CREB5: variants seen among roughly 807,000 people sequenced by gnomAD.
The protein encoded by CREB5 is cyclic AMP-responsive element-binding protein 5.
A neutral mutation model predicts 57.1 loss-of-function variants in CREB5; 19 were observed. The observed-to-expected ratio is 0.33, with a 90% confidence interval of 0.23 to 0.49. The LOEUF (loss-of-function observed/expected upper bound fraction) is 0.49, where lower values mean the gene tolerates loss of function less well. Among genes scored for constraint, CREB5 ranks in the 20% least tolerant of loss-of-function variants. CREB5 has a pLI of 0.99. For missense variants in CREB5, 579 were observed against 671.6 expected (o/e 0.86, Z 1.52); for synonymous variants, 238 against 238.3 (o/e 1.00, Z 0.01).
chr7:28,380,526 T>C (rs919126421), intron 1 of CREB5, among the ~76,000 whole-genome samples: 2 of 152,362 alleles, frequency 1.3e-5, no homozygotes, highest in Admixed American at 1.3e-4. Context: ...TACAGCCATT[T>C]GAGGCACTTT....
chr7:28,339,368 G>A (rs990773364), intron 1 of CREB5, among the ~76,000 whole-genome samples: 2 of 152,164 alleles, frequency 1.3e-5, no homozygotes, highest in Non-Finnish European at 2.9e-5. Context: ...GTAACACTAC[G>A]ATTCTTGCAG....
intron 1 of CREB5, among the ~76,000 whole-genome samples, chr7:28,473,592 T>TCTGAGTCTTC (rs1790922962): frequency 6.6e-6 from 1 of 152,198 alleles, no homozygotes; most frequent in African/African-American, 2.4e-5. Context: ...CGGGAGACTT[T>TCTGAGTCTTC]TGCTGGAAGA....
chr7:28,589,929 A>G (rs1393331328), intron 5 of CREB5, among the ~76,000 whole-genome samples: 3 of 152,152 alleles, frequency 2.0e-5, no homozygotes, highest in Non-Finnish European at 2.9e-5. Context: ...CCTTTGTCTT[A>G]AGTCTTTTGT....
chr7:28,300,391 T>C (rs1785080045), intron 1 of CREB5, among the ~76,000 whole-genome samples: 1 of 152,246 alleles, frequency 6.6e-6, no homozygotes, highest in Non-Finnish European at 1.5e-5. Flanking sequence ...CAGGCAATTT[T>C]GTCCTTTTCT....
At chr7:28,507,774 T>C (rs1427684509) in intron 4 of CREB5, 37 bp downstream of exon 4, 15 of 1,562,656 alleles carry the variant, frequency 9.6e-6, no homozygotes, top group Non-Finnish European at 1.1e-5. Context: ...AGAGGTGTCC[T>C]GCTAGAAACT....
At chr7:28,719,659 A>G (rs1802905458) in intron 6 of CREB5, among the ~76,000 whole-genome samples, 1 of 152,214 alleles carries the variant, frequency 6.6e-6, no homozygotes, top group African/African-American at 2.4e-5. Flanking sequence ...CAGGCTGAGT[A>G]ACTTGGCTAG....
Position 28,790,661 on chromosome 7 carries a change from CA to C in CREB5, c.703-13537del, listed in dbSNP as rs558257322. On this transcript the variant is annotated intron_variant, in intron 7 of 10. Transcript: ENST00000357727. ...AAGTGGTGAGCTCACTTATCGTGGACATGCTGAAGGAAACGTTTCAATCGAA... is the reference window on the plus strand; with the variant it reads ...AAGTGGTGAGCTCACTTATCGTGGACTGCTGAAGGAAACGTTTCAATCGAA... Among the ~76,000 whole-genome samples the C allele has an allele frequency of 1.6e-4, 24 of 152,342 alleles. 1 individual carries two copies. The highest frequency in any genetic ancestry group is 5.3e-4 in the African/African-American group (22 of 41,570).
intron 1 of CREB5, among the ~76,000 whole-genome samples, chr7:28,397,071 T>G (rs1787352247): frequency 6.6e-6 from 1 of 152,166 alleles, no homozygotes; most frequent in Admixed American, 6.5e-5. Flanking sequence ...GGTTAAATGA[T>G]ATGTGGAAAC....
intron 1 of CREB5, among the ~76,000 whole-genome samples, chr7:28,464,493 T>TTGTGTGTGTG (rs1320551403): frequency 9.3e-6 from 1 of 107,724 alleles, no homozygotes; most frequent in South Asian, 3.7e-4. Flanking sequence ...TTGTGGAAAG[T>TTGTGTGTGTG]TGCGTGTGTG....
chr7:28,691,529 T>C (rs1801259118), intron 5 of CREB5, among the ~76,000 whole-genome samples: 1 of 151,998 alleles, frequency 6.6e-6, no homozygotes, highest in Admixed American at 6.6e-5. Context: ...CTCTCACATA[T>C]ATTTTCTAGT....
At chr7:28,672,554 C>T (rs1438976026) in intron 5 of CREB5, among the ~76,000 whole-genome samples, 1 of 152,178 alleles carries the variant, frequency 6.6e-6, no homozygotes, top group Non-Finnish European at 1.5e-5. Flanking sequence ...TTGACAGAGA[C>T]TGGCTGTCTT....
chr7:28,491,334 G>GGTGCCAA (rs372780591), intron 2 of CREB5: 287 of 778,534 alleles, frequency 3.7e-4, no homozygotes, highest in Middle Eastern at 2.7e-3. Context: ...GAGGAGTGGG[G>GGTGCCAA]GTGCCAATTC....
In CREB5 at chr7:28,823,547, TGTGA is replaced by T. The variant is rs1809901916; in HGVS notation, c.*4271_*4274del. 1 of 152,628 alleles carries T rather than the reference TGTGA, an allele frequency of 6.6e-6. No individual in the cohort carries two copies. Among genetic ancestry groups the T allele is most frequent in the African/African-American group, 2.4e-5 (1 of 41,450 alleles). The allele number at this position is 152,628 out of a possible 1,614,324, so 9.5% of individuals were successfully genotyped here. A position where few individuals can be genotyped will look rare whatever the true frequency, so the allele number is the denominator to read the frequency against. ...GACATTTCAAGGATTTTTATTGCTC[TGTGA>T]GTTATTTTTTAATCAACATTCTGAA... On this transcript the variant is annotated 3_prime_UTR_variant, in exon 11 of 11. Transcript: ENST00000357727.
At chr7:28,763,616 T>C (rs939413642) in intron 7 of CREB5, among the ~76,000 whole-genome samples, 1 of 152,132 alleles carries the variant, frequency 6.6e-6, no homozygotes, top group African/African-American at 2.4e-5. Flanking sequence ...AGCACAGACC[T>C]GAACATAAGA....
At chr7:28,402,085 CT>C (rs1231509155) in intron 1 of CREB5, among the ~76,000 whole-genome samples, 1 of 152,170 alleles carries the variant, frequency 6.6e-6, no homozygotes, top group African/African-American at 2.4e-5. Context: ...TGTTTCCTGA[CT>C]TTTTAATGAT....
At chr7:28,728,892 C>T (rs1298553839) in intron 7 of CREB5, among the ~76,000 whole-genome samples, 1 of 152,072 alleles carries the variant, frequency 6.6e-6, no homozygotes. Flanking sequence ...TTGAAAAATA[C>T]CTAAATCTGT....
intron 5 of CREB5, among the ~76,000 whole-genome samples, chr7:28,653,499 C>T (rs1334165309): frequency 6.6e-6 from 1 of 152,102 alleles, no homozygotes; most frequent in African/African-American, 2.4e-5. Flanking sequence ...AGCCATTTCC[C>T]GTGTTACACT....
At chr7:28,357,301 T>C (rs1371925239) in intron 1 of CREB5, among the ~76,000 whole-genome samples, 1 of 152,212 alleles carries the variant, frequency 6.6e-6, no homozygotes, top group Admixed American at 6.5e-5. Flanking sequence ...TCAATGTCCA[T>C]CAGATTTTTA....
At chr7:28,413,416 A>G (rs1187890509) in intron 1 of CREB5, among the ~76,000 whole-genome samples, 5 of 152,176 alleles carry the variant, frequency 3.3e-5, no homozygotes, top group African/African-American at 9.7e-5. Flanking sequence ...CTAAAACTTA[A>G]AAGAAGAAGT....
Sources: allele counts gnomAD v4.1 joint callset (sites outside exome capture counted in the v4.1 genomes callset), GRCh38; gene constraint gnomAD v4.1.1; transcripts MANE v1.5; gene names NCBI Gene and HGNC (gene_info 2026-07-23, HGNC 2026-07-21).